The following FAM107B variants were observed in gnomAD, a reference collection of about 807,000 sequenced individuals.
FAM107B encodes the protein family with sequence similarity 107 member B.
FAM107B carries 21 observed loss-of-function variants against 31.5 expected under a neutral mutation model. That is an observed-to-expected ratio of 0.67 (90% CI 0.47 to 0.96). The LOEUF (loss-of-function observed/expected upper bound fraction) is 0.96, where lower values mean the gene tolerates loss of function less well. Among genes scored for constraint, FAM107B ranks in the 40% least tolerant of loss-of-function variants. The pLI, the probability that FAM107B is intolerant of heterozygous loss-of-function variation, is 0.00. For synonymous variants in FAM107B, 157 were observed against 141.5 expected (o/e 1.11, Z -0.78); for missense variants, 452 against 377.1 (o/e 1.20, Z -1.64).
At chr10:14,626,068 C>G (rs991862143) in intron 2 of FAM107B, among the ~76,000 whole-genome samples, 2 of 152,082 alleles carry the variant, frequency 1.3e-5, no homozygotes, top group African/African-American at 4.8e-5. Context: ...ACACTTGGGA[C>G]TCTTTTAAGA....
chr10:14,548,672 T>TCCTCCATCGCCTC (rs1318400033), intron 2 of FAM107B: 1 of 984,162 alleles, frequency 1.0e-6, no homozygotes. Flanking sequence ...CCGGGGGCCT[T>TCCTCCATCGCCTC]CCTCCATCGC....
intron 3 of FAM107B, among the ~76,000 whole-genome samples, chr10:14,523,522 C>T (rs1463007769): frequency 6.6e-6 from 1 of 152,214 alleles, no homozygotes; most frequent in Non-Finnish European, 1.5e-5. Context: ...TCCCACACAC[C>T]TCCTGGTCCG....
chr10:14,525,360 C>A (rs945167550), intron 3 of FAM107B, among the ~76,000 whole-genome samples: 2 of 152,082 alleles, frequency 1.3e-5, no homozygotes. Flanking sequence ...ACTACTGAAG[C>A]GGGCAAAGCC....
chr10:14,691,590 T>C (rs1855135745), intron 1 of FAM107B, among the ~76,000 whole-genome samples: 1 of 152,104 alleles, frequency 6.6e-6, no homozygotes, highest in Admixed American at 6.6e-5. Context: ...AAGGGAAAAC[T>C]GAGGCTTAAA....
At chr10:14,648,796 T>A (rs1377040049) in intron 2 of FAM107B, among the ~76,000 whole-genome samples, 1 of 152,222 alleles carries the variant, frequency 6.6e-6, no homozygotes, top group Non-Finnish European at 1.5e-5. Flanking sequence ...ATTCTCCAAG[T>A]TGGTTTAATT....
chr10:14,636,817 C>T (rs1378129771), intron 2 of FAM107B, among the ~76,000 whole-genome samples: 1 of 152,180 alleles, frequency 6.6e-6, no homozygotes, highest in Non-Finnish European at 1.5e-5. Context: ...GTCATTATGG[C>T]TCAGCTCCTT....
intron 1 of FAM107B, among the ~76,000 whole-genome samples, chr10:14,704,053 T>G (rs1020182835): frequency 1.3e-5 from 2 of 152,224 alleles, no homozygotes; most frequent in African/African-American, 4.8e-5. Context: ...TGCACAAACC[T>G]TTTGAGAGAA....
chr10:14,540,721 G>C (rs1229902538), intron 2 of FAM107B, among the ~76,000 whole-genome samples: 1 of 152,184 alleles, frequency 6.6e-6, no homozygotes, highest in African/African-American at 2.4e-5. Context: ...TGTGGAGATA[G>C]TTCCTGACTT....
At chr10:14,530,142 A>G in intron 3 of FAM107B, 190 bp downstream of exon 3, 1 of 608,050 alleles carries the variant, frequency 1.6e-6, no homozygotes, top group South Asian at 2.3e-5. Flanking sequence ...CACCACAGTG[A>G]TGGCCACCTG....
rs77987552 is a variant in FAM107B at position 14,748,976 on chromosome 10, G to A, written c.411+25277C>T. Among the ~76,000 whole-genome samples the A allele has an allele frequency of 8.5e-3, 1,296 of 152,240 alleles. 80 individuals are homozygous for A. In the East Asian group the frequency reaches 0.16, roughly 19 times the overall value. On this transcript the variant is annotated intron_variant, in intron 1 of 4. Coordinates refer to ENST00000181796, the MANE Select transcript of FAM107B (RefSeq NM_031453.4). The stretch of plus-strand genomic sequence containing the variant: ...TTTACCCACTTCTTCCTCAAAGCAG[G>A]GTGTAAGAATAGATCTGATTATACC...
intron 1 of FAM107B, among the ~76,000 whole-genome samples, chr10:14,683,576 A>G (rs1420998547): frequency 6.6e-6 from 1 of 152,234 alleles, no homozygotes; most frequent in Non-Finnish European, 1.5e-5. Context: ...CATTAAAGTA[A>G]ACACTTATCA....
At chr10:14,714,091 C>A (rs1240584476) in intron 1 of FAM107B, among the ~76,000 whole-genome samples, 2 of 152,182 alleles carry the variant, frequency 1.3e-5, no homozygotes, top group Non-Finnish European at 2.9e-5. Flanking sequence ...TAGACTTATT[C>A]CCTAGATGAC....
At chr10:14,590,589 T>A (rs141663838) in intron 2 of FAM107B, among the ~76,000 whole-genome samples, 115 of 152,314 alleles carry the variant, frequency 7.6e-4, no homozygotes, top group Middle Eastern at 3.4e-3. Flanking sequence ...CGATCATGCT[T>A]CTTCCAAAGG....
In FAM107B at chr10:14,732,975, A is replaced by G. The variant is rs1413042141; in HGVS notation, c.411+41278T>C. ...TATGGAATACCTTATATTGTATTCT[A>G]TAGAATACAATATATCTAATAATTC... On this transcript the variant is annotated intron_variant, in intron 1 of 4. Coordinates refer to ENST00000181796, the MANE Select transcript of FAM107B (RefSeq NM_031453.4). Among the ~76,000 whole-genome samples, 3 of 146,678 alleles carry G rather than the reference A, an allele frequency of 2.0e-5. No individual in the cohort carries two copies. The South Asian group carries it at 6.3e-4, about 31-fold the overall frequency.
intron 2 of FAM107B, among the ~76,000 whole-genome samples, chr10:14,648,238 G>C (rs916885869): frequency 6.6e-5 from 10 of 152,216 alleles, no homozygotes; most frequent in Non-Finnish European, 1.0e-4. Context: ...GACTGAAAGA[G>C]GAACTTTGAC....
intron 2 of FAM107B, among the ~76,000 whole-genome samples, chr10:14,629,409 A>AT (rs1588669198): frequency 9.0e-4 from 1 of 1,110 alleles, no homozygotes; most frequent in Admixed American, 0.015. Context: ...TTATATATTT[A>AT]ATATATATAA....
intron 1 of FAM107B, among the ~76,000 whole-genome samples, chr10:14,771,984 A>G (rs995964416): frequency 1.6e-4 from 24 of 152,158 alleles, no homozygotes; most frequent in African/African-American, 5.8e-4. Context: ...TCTCTGCCAC[A>G]TCCTCTCTTT....
chr10:14,721,241 A>G (rs1430361911), intron 1 of FAM107B, among the ~76,000 whole-genome samples: 1 of 152,008 alleles, frequency 6.6e-6, no homozygotes, highest in African/African-American at 2.4e-5. Flanking sequence ...AATCCAGTCT[A>G]TCATTGATGG....
chr10:14,771,820 T>G (rs553316538), intron 1 of FAM107B, among the ~76,000 whole-genome samples: 5 of 152,314 alleles, frequency 3.3e-5, no homozygotes, highest in African/African-American at 1.2e-4. Context: ...CCAGCCAATA[T>G]GTATGATATT....
Sources: allele counts gnomAD v4.1 joint callset (sites outside exome capture counted in the v4.1 genomes callset), GRCh38; gene constraint gnomAD v4.1.1; transcripts MANE v1.5; gene names NCBI Gene and HGNC (gene_info 2026-07-23, HGNC 2026-07-21).